IMPG2: variants seen among roughly 807,000 people sequenced by gnomAD.
IMPG2 encodes the protein IPM 200.
Under a neutral mutation model 129.2 loss-of-function variants are expected in IMPG2, and 91 were observed. The ratio of observed to expected loss-of-function variants is 0.70; its 90% CI spans 0.59 to 0.84. The LOEUF is 0.84. IMPG2 is among the 40% of genes least tolerant of loss of function. The probability of loss-of-function intolerance (pLI) is 0.00; values close to 1 mark genes in which losing one functional copy is unlikely to be tolerated. For synonymous variants in IMPG2, 510 were observed against 517.7 expected, an observed-to-expected ratio of 0.99 and a Z score of 0.20; for missense variants, 1,430 against 1,461.7, an observed-to-expected ratio of 0.98 and a Z score of 0.35.
At chr3:101,299,529 T>A (rs1193740774) in intron 3 of IMPG2, among the ~76,000 whole-genome samples, 17 of 152,200 alleles carry the variant, frequency 1.1e-4, no homozygotes, top group African/African-American at 3.4e-4. Context: ...CTTTCTAAGT[T>A]TGTCTAGTAT....
At position 101,274,776 on chromosome 3, in the gene IMPG2, G is replaced by A. The variant is rs117003172; in HGVS notation, c.666+887C>T. Among the ~76,000 whole-genome samples the A allele has an allele frequency of 2.0e-4, 30 of 152,280 alleles. No individual in the cohort carries two copies. The East Asian group carries it at 5.6e-3, about 28-fold the overall frequency. On this transcript the variant is annotated intron_variant, in intron 6 of 18. Transcript: ENST00000193391. ...GCTATTCTGCCTCAAGTTCAGAGCTGCAGTATCACTTTTTATTCATTCATT... is the reference window on the plus strand; with the variant it reads ...GCTATTCTGCCTCAAGTTCAGAGCTACAGTATCACTTTTTATTCATTCATT...
chr3:101,251,933 A>G (rs573609515), intron 11 of IMPG2, among the ~76,000 whole-genome samples: 1 of 152,304 alleles, frequency 6.6e-6, no homozygotes, highest in African/African-American at 2.4e-5. Flanking sequence ...TAGTAACTAG[A>G]CATTTCTAAT....
chr3:101,264,757 T>G (rs1706704738), intron 9 of IMPG2, among the ~76,000 whole-genome samples: 1 of 151,972 alleles, frequency 6.6e-6, no homozygotes, highest in African/African-American at 2.4e-5. Flanking sequence ...GGAAGTCAAA[T>G]TATCCCTGTT....
At chr3:101,309,105 A>G (rs1707234860) in intron 2 of IMPG2, among the ~76,000 whole-genome samples, 1 of 152,226 alleles carries the variant, frequency 6.6e-6, no homozygotes, top group Non-Finnish European at 1.5e-5. Flanking sequence ...TTCATTGTCC[A>G]TATCACTATC....
At chr3:101,257,905 T>C (rs2107235190) in intron 9 of IMPG2, 132 bp from the exon 10 acceptor site, 1 of 1,055,380 alleles carries the variant, frequency 9.5e-7, no homozygotes, top group Non-Finnish European at 1.4e-6. Context: ...CACTTTTCTC[T>C]GAAAAGCCTG....
chr3:101,228,202 C>A (rs1706244473), intron 18 of IMPG2, among the ~76,000 whole-genome samples: 3 of 152,138 alleles, frequency 2.0e-5, no homozygotes, highest in Non-Finnish European at 4.4e-5. Flanking sequence ...GCCCAAAATG[C>A]ATCCTGAGAA....
intron 16 of IMPG2, 122 bp from the exon 17 acceptor site, chr3:101,229,712 C>T: frequency 1.2e-6 from 1 of 842,914 alleles, no homozygotes. Flanking sequence ...AATGGTGGGA[C>T]ATAACTGTGA....
chr3:101,241,863 A>G (rs759425768), intron 14 of IMPG2, among the ~76,000 whole-genome samples: 2 of 151,982 alleles, frequency 1.3e-5, no homozygotes, highest in Non-Finnish European at 2.9e-5. Flanking sequence ...CTCCATCTCT[A>G]CTAAAAATAC....
At chr3:101,237,993 G>A (rs970936521) in intron 14 of IMPG2, among the ~76,000 whole-genome samples, 1 of 151,898 alleles carries the variant, frequency 6.6e-6, no homozygotes, top group Non-Finnish European at 1.5e-5. Flanking sequence ...TAGACGAATC[G>A]CTAACTAGAA....
Position 101,320,333 on chromosome 3 carries a change from T to C in IMPG2, c.40A>G (p.Ile14Val), listed in dbSNP as rs908241400. Residue 14 changes from isoleucine to valine, a missense_variant, in exon 1 of 19, where the codon ATT (isoleucine) becomes GTT (valine). Transcript: ENST00000193391. Reference protein sequence around the residue: ...FPLFGKISLGILIFVLIEGDF... With the variant: ...FPLFGKISLGVLIFVLIEGDF... ...CCTTCTATCAGGACAAATATCAAAATACCCAGAGAAATCTTCCCAAAAAGA... is the reference window on the plus strand; with the variant it reads ...CCTTCTATCAGGACAAATATCAAAACACCCAGAGAAATCTTCCCAAAAAGA... 1.9e-6 allele frequency: 3 copies of C among 1,607,952 alleles called. No homozygotes were observed. Among genetic ancestry groups the C allele is most frequent in the Non-Finnish European group, 2.6e-6 (3 of 1,175,110 alleles).
At position 101,231,158 on chromosome 3, in the gene IMPG2, G is replaced by A. The variant is rs771581663; in HGVS notation, c.3234-13C>T. Reference sequence around the variant, plus strand: ...ACCCACCCGGCACCTGCAACCAACAGTCACCAAGTCCGATATCTGAATCAC... The same window carrying A: ...ACCCACCCGGCACCTGCAACCAACAATCACCAAGTCCGATATCTGAATCAC... On this transcript the variant is annotated splice_polypyrimidine_tract_variant and intron_variant, in intron 15 of 18. Transcript: ENST00000193391. 1 of 1,613,464 alleles carries A rather than the reference G, an allele frequency of 6.2e-7. No individual in the cohort carries two copies. Among genetic ancestry groups the A allele is most frequent in the Non-Finnish European group, 8.5e-7 (1 of 1,179,644 alleles).
At chr3:101,262,373 C>A (rs563341272) in intron 9 of IMPG2, among the ~76,000 whole-genome samples, 1 of 151,870 alleles carries the variant, frequency 6.6e-6, no homozygotes, top group Non-Finnish European at 1.5e-5. Flanking sequence ...GAGAGAGAAA[C>A]GGTATGTTAT....
intron 12 of IMPG2, among the ~76,000 whole-genome samples, 158 bp downstream of exon 12, chr3:101,245,644 T>C (rs1262164555): frequency 1.3e-5 from 2 of 152,196 alleles, no homozygotes; most frequent in South Asian, 2.1e-4. Context: ...TTCCAACAAA[T>C]TAAATTTGAT....
At chr3:101,266,921 C>T (rs1706726556) in intron 9 of IMPG2, among the ~76,000 whole-genome samples, 1 of 152,170 alleles carries the variant, frequency 6.6e-6, no homozygotes, top group Non-Finnish European at 1.5e-5. Context: ...TGCACATTGT[C>T]CTTGTTACTG....
chr3:101,261,192 G>A (rs1016288827), intron 9 of IMPG2, among the ~76,000 whole-genome samples: 18 of 152,070 alleles, frequency 1.2e-4, no homozygotes, highest in Non-Finnish European at 2.4e-4. Flanking sequence ...CTCCAGAAAG[G>A]TGAGTTTCTT....
intron 14 of IMPG2, among the ~76,000 whole-genome samples, chr3:101,238,058 G>A (rs973900774): frequency 1.3e-4 from 19 of 151,822 alleles, no homozygotes; most frequent in Admixed American, 1.3e-4. Context: ...AACACAGCAC[G>A]AGAACTTTGT....
chr3:101,246,253 G>A (rs1023215843), intron 11 of IMPG2, 148 bp from the exon 12 acceptor site: 5 of 701,150 alleles, frequency 7.1e-6, no homozygotes, highest in Non-Finnish European at 1.2e-5. Context: ...AGGAGACATG[G>A]GCTCCAGAAT....
chr3:101,290,278 G>A (rs375333480), intron 4 of IMPG2, among the ~76,000 whole-genome samples: 24 of 152,184 alleles, frequency 1.6e-4, no homozygotes, highest in Admixed American at 2.6e-4. Context: ...AGGCTGAGGC[G>A]GGCCAATTGC....
At chr3:101,318,077 A>G (rs2058794033) in intron 2 of IMPG2, among the ~76,000 whole-genome samples, 1 of 151,354 alleles carries the variant, frequency 6.6e-6, no homozygotes, top group African/African-American at 2.4e-5. Flanking sequence ...TGGAGGGTGC[A>G]GTGAGCCGAG....
Sources: gnomAD v4.1 joint callset for allele counts (sites outside exome capture counted in the v4.1 genomes callset) on GRCh38, gnomAD v4.1.1 for gene constraint, MANE v1.5 for transcripts, NCBI Gene and HGNC (gene_info 2026-07-23, HGNC 2026-07-21) for gene names.